B2M: variants seen among roughly 807,000 people sequenced by gnomAD.
B2M encodes the protein beta-2-microglobulin, also known as beta chain of MHC class I molecules.
B2M carries 3 observed loss-of-function variants against 14.5 expected under a neutral mutation model. That is an observed-to-expected ratio of 0.21 (90% CI 0.09 to 0.53). B2M has a LOEUF of 0.53. B2M is among the 20% of genes least tolerant of loss of function. B2M has a pLI of 0.95. For synonymous variants in B2M, 45 were observed against 52.7 expected (o/e 0.85, Z 0.64); for missense variants, 107 against 140.8 (o/e 0.76, Z 1.21).
chr15:44,715,618 C>G lies in B2M; in HGVS notation c.263C>G (p.Thr88Ser), dbSNP rs1350126569. 1.2e-6 allele frequency: 2 copies of G among 1,614,176 alleles called. No individual in the cohort carries two copies. Among genetic ancestry groups the G allele is most frequent in the Non-Finnish European group, 1.7e-6 (2 of 1,180,010 alleles). The part of the protein sequence containing the change: ...KDWSFYLLYY[T>S]EFTPTEKDEY... Reference sequence around the variant, plus strand: ...TGGTCTTTCTATCTCTTGTACTACACTGAATTCACCCCCACTGAAAAAGAT... The same window carrying G: ...TGGTCTTTCTATCTCTTGTACTACAGTGAATTCACCCCCACTGAAAAAGAT... The change falls in exon 2 of 4, where the codon ACT (threonine) becomes AGT (serine). Residue 88 changes from threonine to serine, a missense_variant. Thr to Ser is a moderately conservative substitution (Grantham distance 58, BLOSUM62 1). Transcript: ENST00000648006.
At chr15:44,717,322 T>C (rs963416139) in intron 3 of B2M, 1 of 140,098 alleles carries the variant, frequency 7.1e-6, no homozygotes. Context: ...TATCTAAACA[T>C]AGAAGTTGCA....
At chr15:44,714,349 T>C (rs1415739774) in intron 1 of B2M, 1 of 152,278 alleles carries the variant, frequency 6.6e-6, no homozygotes, top group East Asian at 1.9e-4. Context: ...TTGTATGCAT[T>C]TAGGTTTTGT....
intron 1 of B2M, chr15:44,711,889 A>C (rs2086874521): frequency 3.4e-6 from 2 of 589,348 alleles, no homozygotes; most frequent in Admixed American, 5.8e-5. Context: ...GACAAAGTTT[A>C]GGGCGTCGAT....
Sources: allele counts gnomAD v4.1 joint callset, GRCh38; gene constraint gnomAD v4.1.1; transcripts MANE v1.5; gene names NCBI Gene and HGNC (gene_info 2026-07-23, HGNC 2026-07-21).